The following GNAL variants were observed in gnomAD, a reference collection of about 807,000 sequenced individuals.
GNAL encodes G protein subunit alpha L, also known as guanine nucleotide-binding protein G(olf) subunit alpha.
Under a neutral mutation model 55.1 loss-of-function variants are expected in GNAL, and 18 were observed. That is an observed-to-expected ratio of 0.33 (90% CI 0.23 to 0.48). The LOEUF is 0.48. Among genes scored for constraint, GNAL ranks in the 20% least tolerant of loss-of-function variants. GNAL has a pLI of 0.99. For synonymous variants in GNAL, 253 were observed against 237.0 expected (o/e 1.07, Z -0.62); for missense variants, 412 against 614.1 (o/e 0.67, Z 3.48).
intron 5 of GNAL, among the ~76,000 whole-genome samples, chr18:11,825,787 T>C (rs945555539): frequency 2.6e-5 from 4 of 151,724 alleles, no homozygotes; most frequent in African/African-American, 9.7e-5. Context: ...GCTCATTGTT[T>C]TTCCCTGAAA....
At chr18:11,719,503 G>C (rs934189904) in intron 1 of GNAL, among the ~76,000 whole-genome samples, 1 of 152,210 alleles carries the variant, frequency 6.6e-6, no homozygotes, top group Non-Finnish European at 1.5e-5. Flanking sequence ...GAGGGAAACT[G>C]AGACCATCAG....
intron 5 of GNAL, among the ~76,000 whole-genome samples, chr18:11,849,315 A>G (rs2035802566): frequency 6.6e-6 from 1 of 152,208 alleles, no homozygotes; most frequent in East Asian, 1.9e-4. Context: ...CAGCCTGACC[A>G]ACATGGCGAA....
intron 1 of GNAL, among the ~76,000 whole-genome samples, chr18:11,748,677 G>A (rs1415574474): frequency 7.9e-5 from 12 of 151,846 alleles, no homozygotes; most frequent in African/African-American, 2.2e-4. Flanking sequence ...TGACTTCTAG[G>A]TTCTAACATA....
intron 4 of GNAL, among the ~76,000 whole-genome samples, chr18:11,788,910 A>ATATATATAT (rs1314963053): frequency 3.0e-3 from 222 of 73,218 alleles, no homozygotes; most frequent in East Asian, 0.011. Context: ...AAAAAAAAAA[A>ATATATATAT]AAAAATATAT....
chr18:11,737,060 T>C (rs2032477505), intron 1 of GNAL, among the ~76,000 whole-genome samples: 2 of 152,266 alleles, frequency 1.3e-5, no homozygotes, highest in African/African-American at 4.8e-5. Context: ...TATACTATTC[T>C]TTCTGTGAGC....
chr18:11,796,710 C>A (rs2034399010), intron 4 of GNAL, among the ~76,000 whole-genome samples: 2 of 151,738 alleles, frequency 1.3e-5, no homozygotes, highest in Admixed American at 1.3e-4. Flanking sequence ...AAATTAGGAT[C>A]TCAGTATAGC....
chr18:11,781,267 T>G (rs899747898), intron 4 of GNAL, among the ~76,000 whole-genome samples: 2 of 152,186 alleles, frequency 1.3e-5, no homozygotes, highest in African/African-American at 4.8e-5. Flanking sequence ...TAGAAACACC[T>G]AACCATTAAA....
intron 1 of GNAL, among the ~76,000 whole-genome samples, chr18:11,716,042 A>G (rs1183334120): frequency 6.6e-6 from 1 of 152,190 alleles, no homozygotes; most frequent in East Asian, 1.9e-4. Flanking sequence ...ACGCTTATAC[A>G]CTGTTGGTGG....
At chr18:11,775,823 G>A (rs973201367) in intron 4 of GNAL, among the ~76,000 whole-genome samples, 2 of 152,316 alleles carry the variant, frequency 1.3e-5, no homozygotes, top group East Asian at 3.9e-4. Context: ...AGGCAGAGAT[G>A]TATGGAATGC....
At chr18:11,696,915 A>T (rs907508509) in intron 1 of GNAL, among the ~76,000 whole-genome samples, 2 of 152,212 alleles carry the variant, frequency 1.3e-5, no homozygotes, top group African/African-American at 4.8e-5. Context: ...TGATGGTTAG[A>T]GCACAGCACT....
chr18:11,697,991 C>T (rs989289312), intron 1 of GNAL, among the ~76,000 whole-genome samples: 4 of 152,016 alleles, frequency 2.6e-5, no homozygotes, highest in African/African-American at 9.7e-5. Context: ...ACATGCCACC[C>T]GGAGAGGACA....
rs77276434 is a variant in GNAL, at chr18:11,784,739, T to C, written c.624+30794T>C. Among the ~76,000 whole-genome samples, 1,127 of 152,288 alleles carry C rather than the reference T, an allele frequency of 7.4e-3. 10 individuals are homozygous for C. The highest frequency in any genetic ancestry group is 0.051 in the Middle Eastern group (15 of 294). ...AGTAAAAGAAATGGAGAAAGATTTT[T>C]TCGGCCTCAGTGGAATTGAAAAAAA... On this transcript the variant is annotated intron_variant, in intron 4 of 11. Coordinates refer to ENST00000334049, the MANE Select transcript of GNAL (RefSeq NM_182978.4).
intron 5 of GNAL, among the ~76,000 whole-genome samples, chr18:11,855,911 G>T (rs993812757): frequency 1.3e-5 from 2 of 151,042 alleles, no homozygotes; most frequent in Admixed American, 6.6e-5. Context: ...GGTGGAGGTT[G>T]CGGTGAGCCG....
In GNAL at chr18:11,868,500, G is replaced by A. The variant is rs1467765822; in HGVS notation, c.911-43G>A. The A allele has an allele frequency of 2.6e-6, 4 of 1,563,920 alleles. No homozygotes were observed. The highest frequency in any genetic ancestry group is 3.6e-5 in the Admixed American group (2 of 55,500). On this transcript the variant is annotated intron_variant, in intron 8 of 11. Transcript: ENST00000334049. The surrounding 1 kb of genome is among the most constrained non-coding windows in gnomAD (Gnocchi z 4.0). Reference sequence around the variant, plus strand: ...GTGTACTTTCTTGTAACTCCACAGTGAGGATGTCTAACTGAGGTGCTTTCC... The same window carrying A: ...GTGTACTTTCTTGTAACTCCACAGTAAGGATGTCTAACTGAGGTGCTTTCC...
chr18:11,803,899 A>G (rs1351797143), intron 4 of GNAL, among the ~76,000 whole-genome samples: 1 of 151,268 alleles, frequency 6.6e-6, no homozygotes, highest in African/African-American at 2.4e-5. Context: ...GTAGTGGTGA[A>G]GTACAGGTGC....
chr18:11,696,322 G>T (rs2031410105), intron 1 of GNAL, among the ~76,000 whole-genome samples: 1 of 147,634 alleles, frequency 6.8e-6, no homozygotes, highest in Non-Finnish European at 1.5e-5. Context: ...CTAACATGGT[G>T]AAACCCCGTC....
chr18:11,851,740 G>T, intron 5 of GNAL: 1 of 1,614,030 alleles, frequency 6.2e-7, no homozygotes, highest in East Asian at 2.2e-5. Context: ...TGCAGTGGCT[G>T]CCAGGGTCCA....
Position 11,885,641 on chromosome 18 carries a change from G to C in GNAL, c.*4506G>C. 2.5e-6 allele frequency: 4 copies of C among 1,594,056 alleles called. No individual in the cohort carries two copies. The highest frequency in any genetic ancestry group is 3.4e-6 in the Non-Finnish European group (4 of 1,165,260). ...TTACTGTGTTGATTTAAATACTTAT[G>C]AAAGCTTTCAGACAAAAATAAACTT... On this transcript the variant is annotated 3_prime_UTR_variant, in exon 12 of 12. Transcript: ENST00000334049.
intron 1 of GNAL, among the ~76,000 whole-genome samples, chr18:11,721,783 G>C (rs142809333): frequency 0.012 from 1,835 of 151,990 alleles, 22 homozygotes; most frequent in African/African-American, 0.042. Flanking sequence ...CCGACATCAG[G>C]TGATCTGCCC....
Sources: gnomAD v4.1 joint callset for allele counts (sites outside exome capture counted in the v4.1 genomes callset) on GRCh38, gnomAD v4.1.1 for gene constraint, Gnocchi (gnomAD v3.1) non-coding constraint, MANE v1.5 for transcripts, NCBI Gene and HGNC (gene_info 2026-07-23, HGNC 2026-07-21) for gene names.